Variants in MMS22L observed in about 807,000 individuals in gnomAD.
MMS22L encodes protein MMS22-like.
A neutral mutation model predicts 159.1 loss-of-function variants in MMS22L; 74 were observed. The ratio of observed to expected loss-of-function variants is 0.47; its 90% CI spans 0.39 to 0.56. MMS22L has a LOEUF of 0.56. Among genes scored for constraint, MMS22L ranks in the 20% least tolerant of loss-of-function variants. MMS22L has a pLI of 0.00. For missense variants in MMS22L, 1,351 were observed against 1,422.1 expected, an observed-to-expected ratio of 0.95 and a Z score of 0.80; for synonymous variants, 517 against 506.9, an observed-to-expected ratio of 1.02 and a Z score of -0.27.
intron 18 of MMS22L, among the ~76,000 whole-genome samples, chr6:97,177,509 G>T (rs1233051139): frequency 6.6e-6 from 1 of 151,888 alleles, no homozygotes; most frequent in Non-Finnish European, 1.5e-5. Flanking sequence ...AATTAATTTG[G>T]GCTAGATGAA....
At chr6:97,257,252 T>C (rs1459144721) in intron 9 of MMS22L, among the ~76,000 whole-genome samples, 2 of 152,232 alleles carry the variant, frequency 1.3e-5, no homozygotes, top group Non-Finnish European at 2.9e-5. Flanking sequence ...TTCCATCTTT[T>C]GTTATATTAT....
chr6:97,159,872 T>C (rs1225499773), intron 22 of MMS22L, among the ~76,000 whole-genome samples: 4 of 151,036 alleles, frequency 2.6e-5, no homozygotes, highest in African/African-American at 9.7e-5. Context: ...GAATCTGATA[T>C]ATAAAACACT....
chr6:97,282,524 G>C lies in MMS22L; in HGVS notation c.-47C>G. The C allele has an allele frequency of 9.3e-7, 1 of 1,079,078 alleles. No homozygotes were observed. Among genetic ancestry groups the C allele is most frequent in the East Asian group, 5.5e-5 (1 of 18,294 alleles). The allele number at this position is 1,079,078 out of a possible 1,614,324, so 66.8% of individuals were successfully genotyped here. On this transcript the variant is annotated 5_prime_UTR_variant, in exon 2 of 25. Coordinates refer to ENST00000683635, the MANE Select transcript of MMS22L (RefSeq NM_001350599.2). ...CACTTGGGGTTCGTCGTATCATTAAGGGCTCCAAAGAGAAGGTGTGAAGAG... is the reference window on the plus strand; with the variant it reads ...CACTTGGGGTTCGTCGTATCATTAACGGCTCCAAAGAGAAGGTGTGAAGAG...
intron 14 of MMS22L, among the ~76,000 whole-genome samples, chr6:97,189,575 AAAAAGAAT>A (rs1805645410): frequency 7.9e-6 from 1 of 127,148 alleles, no homozygotes; most frequent in Non-Finnish European, 1.7e-5. Flanking sequence ...AAAAAAAAAA[AAAAAGAAT>A]AATTAATTAA....
chr6:97,215,957 T>C lies in MMS22L; in HGVS notation c.2039+12937A>G, dbSNP rs539727542. ...GAGATACCCTAAAGAGAGAAAAATA[T>C]ATATCTTGTAAGGTAAAGAAGAAAC... is the stretch of plus-strand genomic sequence containing the variant. On this transcript the variant is annotated intron_variant, in intron 14 of 24. Transcript: ENST00000683635. Among the ~76,000 whole-genome samples, 5 of 152,246 alleles carry C rather than the reference T, an allele frequency of 3.3e-5. No individual in the cohort carries two copies. The South Asian group carries it at 8.3e-4, about 25-fold the overall frequency.
At chr6:97,213,283 G>A (rs1380536710) in intron 14 of MMS22L, among the ~76,000 whole-genome samples, 1 of 152,130 alleles carries the variant, frequency 6.6e-6, no homozygotes, top group Admixed American at 6.5e-5. Flanking sequence ...GCGCATGCCT[G>A]TGGTCCCAGC....
intron 13 of MMS22L, among the ~76,000 whole-genome samples, chr6:97,229,670 G>A (rs1271930351): frequency 6.6e-6 from 1 of 152,104 alleles, no homozygotes; most frequent in East Asian, 1.9e-4. Context: ...TTTTCATATA[G>A]TACATGGCTT....
In MMS22L at chr6:97,146,768, T is replaced by C. The variant is rs565658788; in HGVS notation, c.*38A>G. ...TAGAGTGGAACAATGTGGCTTTAGA[T>C]ACTGATAATTAATAGACAGGATGAA... is the stretch of plus-strand genomic sequence containing the variant. On this transcript the variant is annotated 3_prime_UTR_variant, in exon 25 of 25. Transcript: ENST00000683635. 2 of 1,293,108 alleles carry C rather than the reference T, an allele frequency of 1.5e-6. No individual in the cohort carries two copies. The highest frequency in any genetic ancestry group is 3.0e-5 in the African/African-American group (2 of 65,864). 80.1% of individuals were successfully genotyped at this position (1,293,108 alleles called of 1,614,324 possible).
chr6:97,271,994 A>G (rs1815792284), intron 6 of MMS22L: 1 of 152,206 alleles, frequency 6.6e-6, no homozygotes. Flanking sequence ...TAACAAAGAT[A>G]TATTCATAAA....
Position 97,213,316 on chromosome 6 carries a change from G to A in MMS22L, c.2039+15578C>T, listed in dbSNP as rs139353873. On this transcript the variant is annotated intron_variant, in intron 14 of 24. Coordinates refer to ENST00000683635, the MANE Select transcript of MMS22L (RefSeq NM_001350599.2). ...AGCTACTCAGGAGGCTGAGGCAGGA[G>A]AATCACTTGAACACAGGAGGTGGAG... Among the ~76,000 whole-genome samples the A allele has an allele frequency of 7.0e-3, 1,065 of 152,248 alleles. 14 individuals carry two copies. The highest frequency in any genetic ancestry group is 0.024 in the African/African-American group (999 of 41,534).
chr6:97,158,832 T>G (rs1388069774), intron 22 of MMS22L, among the ~76,000 whole-genome samples: 1 of 152,194 alleles, frequency 6.6e-6, no homozygotes, highest in Admixed American at 6.5e-5. Context: ...TAGGTCTGCT[T>G]GGTCCAGAGC....
intron 14 of MMS22L, among the ~76,000 whole-genome samples, chr6:97,191,708 T>G (rs950038976): frequency 1.3e-5 from 2 of 152,206 alleles, no homozygotes; most frequent in Non-Finnish European, 2.9e-5. Flanking sequence ...ATCAGGACAC[T>G]CTATAACCAT....
chr6:97,200,079 CTG>C (rs1324505073), intron 14 of MMS22L, among the ~76,000 whole-genome samples: 1 of 152,076 alleles, frequency 6.6e-6, no homozygotes, highest in Non-Finnish European at 1.5e-5. Context: ...AACAATCCAA[CTG>C]TAACCTCATG....
At chr6:97,235,052 A>T (rs1811250520) in intron 11 of MMS22L, among the ~76,000 whole-genome samples, 1 of 152,214 alleles carries the variant, frequency 6.6e-6, no homozygotes, top group Non-Finnish European at 1.5e-5. Context: ...CACAGAAGTG[A>T]CATGATGTGA....
At chr6:97,149,149 T>C (rs1801075419) in intron 24 of MMS22L, among the ~76,000 whole-genome samples, 1 of 152,184 alleles carries the variant, frequency 6.6e-6, no homozygotes, top group South Asian at 2.1e-4. Flanking sequence ...TGTTCACAAA[T>C]GATGAAATCG....
At chr6:97,223,235 A>G (rs1323569996) in intron 14 of MMS22L, among the ~76,000 whole-genome samples, 1 of 152,004 alleles carries the variant, frequency 6.6e-6, no homozygotes, top group East Asian at 1.9e-4. Context: ...TTGTAAAACT[A>G]TTACCCAGTT....
At chr6:97,251,527 T>C (rs180809138) in intron 10 of MMS22L, among the ~76,000 whole-genome samples, 7 of 152,338 alleles carry the variant, frequency 4.6e-5, no homozygotes, top group South Asian at 2.1e-4. Context: ...GCAAAGTTTA[T>C]TTTACATGTG....
At chr6:97,262,079 A>G (rs768174412) in intron 9 of MMS22L, 1 of 152,148 alleles carries the variant, frequency 6.6e-6, no homozygotes, top group Non-Finnish European at 1.5e-5. Flanking sequence ...TTTCTACTTC[A>G]TCTTTCTGAG....
chr6:97,242,248 T>C (rs776896847), intron 11 of MMS22L, among the ~76,000 whole-genome samples: 1 of 152,196 alleles, frequency 6.6e-6, no homozygotes, highest in Non-Finnish European at 1.5e-5. Flanking sequence ...TTCTTAGGTC[T>C]AGTAATTATT....
Sources: allele counts gnomAD v4.1 joint callset (sites outside exome capture counted in the v4.1 genomes callset), GRCh38; gene constraint gnomAD v4.1.1; transcripts MANE v1.5; gene names NCBI Gene and HGNC (gene_info 2026-07-23, HGNC 2026-07-21).